The following MEF2A variants were observed in gnomAD, a reference collection of about 807,000 sequenced individuals.
MEF2A encodes myocyte enhancer factor 2A.
In MEF2A, 28 loss-of-function variants were observed where a neutral mutation model predicts 55.8. The ratio of observed to expected loss-of-function variants is 0.50; its 90% confidence interval spans 0.37 to 0.69. The LOEUF (loss-of-function observed/expected upper bound fraction) is 0.69, where lower values mean the gene tolerates loss of function less well. MEF2A is among the 30% of genes least tolerant of loss of function. The pLI is 0.00. For missense variants in MEF2A, 528 were observed against 626.2 expected (o/e 0.84, Z 1.67); for synonymous variants, 239 against 227.1 (o/e 1.05, Z -0.47).
chr15:99,648,871 G>C (rs1469822582), intron 4 of MEF2A, among the ~76,000 whole-genome samples: 1 of 152,178 alleles, frequency 6.6e-6, no homozygotes, highest in Non-Finnish European at 1.5e-5. Context: ...TAGGTCTGCG[G>C]AGTTAGATAT....
chr15:99,586,367 A>G (rs1194367051), intron 1 of MEF2A, among the ~76,000 whole-genome samples: 1 of 152,092 alleles, frequency 6.6e-6, no homozygotes, highest in Non-Finnish European at 1.5e-5. Flanking sequence ...TTAAGTTGAG[A>G]CATTTTAGTG....
At chr15:99,663,823 T>C (rs2049094648) in intron 4 of MEF2A, among the ~76,000 whole-genome samples, 1 of 152,218 alleles carries the variant, frequency 6.6e-6, no homozygotes, top group Admixed American at 6.5e-5. Flanking sequence ...CTTTTTTCTT[T>C]CTTTTTTCAC....
intron 4 of MEF2A, among the ~76,000 whole-genome samples, chr15:99,650,044 T>C (rs1193042531): frequency 6.6e-6 from 1 of 152,196 alleles, no homozygotes; most frequent in African/African-American, 2.4e-5. Context: ...TGGCCGTTTG[T>C]CTCTCTTGTT....
chr15:99,648,569 T>A (rs1009677784), intron 4 of MEF2A, among the ~76,000 whole-genome samples: 4 of 152,074 alleles, frequency 2.6e-5, no homozygotes, highest in African/African-American at 7.2e-5. Context: ...TTTGTGTCAT[T>A]ATGTAAGCAA....
intron 1 of MEF2A, among the ~76,000 whole-genome samples, chr15:99,572,030 T>C (rs866157473): frequency 1.7e-4 from 26 of 151,766 alleles, no homozygotes; most frequent in East Asian, 3.8e-4. Context: ...TTTTTTTTTT[T>C]TTCTTCACAC....
At chr15:99,575,358 T>G (rs1056733164) in intron 1 of MEF2A, among the ~76,000 whole-genome samples, 1 of 152,322 alleles carries the variant, frequency 6.6e-6, no homozygotes, top group South Asian at 2.1e-4. Flanking sequence ...TTTTAATTTT[T>G]GGGTTTTGTA....
intron 2 of MEF2A, among the ~76,000 whole-genome samples, chr15:99,618,472 A>C (rs566296675): frequency 1.3e-5 from 2 of 152,282 alleles, no homozygotes; most frequent in South Asian, 4.1e-4. Context: ...CAAAATTGCA[A>C]TTATGGCCTG....
intron 1 of MEF2A, among the ~76,000 whole-genome samples, chr15:99,575,657 A>G (rs891621908): frequency 3.3e-5 from 5 of 152,086 alleles, no homozygotes; most frequent in Non-Finnish European, 7.4e-5. Flanking sequence ...GAGACTGAAA[A>G]TTTCCTCCTC....
chr15:99,712,318 T>A lies in MEF2A; in HGVS notation c.1137-72T>A. ...CTGGGCCCTTTTCCATCAGGCAGTG[T>A]CTCTACTGTATCATCCCAGTTTTGC... On this transcript the variant is annotated intron_variant, in intron 11 of 11. Coordinates refer to ENST00000557942, the MANE Select transcript of MEF2A (RefSeq NM_001319206.4). The surrounding 1 kb of genome is among the most constrained non-coding windows in gnomAD (Gnocchi z 4.1). 6.9e-7 allele frequency: 1 copy of A among 1,455,536 alleles called. No homozygotes were observed. The allele number at this position is 1,455,536 out of a possible 1,614,324, so 90.2% of individuals were successfully genotyped here. A position where few individuals can be genotyped will look rare whatever the true frequency, so the allele number is the denominator to read the frequency against.
intron 1 of MEF2A, among the ~76,000 whole-genome samples, chr15:99,585,014 C>T (rs1302064934): frequency 6.6e-6 from 1 of 152,050 alleles, no homozygotes; most frequent in Non-Finnish European, 1.5e-5. Flanking sequence ...CACATTGTCA[C>T]ACAAATGCTA....
At chr15:99,688,340 G>T (rs1230803980) in intron 7 of MEF2A, among the ~76,000 whole-genome samples, 1 of 152,224 alleles carries the variant, frequency 6.6e-6, no homozygotes, top group Non-Finnish European at 1.5e-5. Flanking sequence ...GTAACCGAAA[G>T]ATCCAGAAGT....
At chr15:99,565,485 C>CGGCGGCTGAGCGGCGGAGCGGG (rs1959163567), upstream of MEF2A, 1 of 148,224 alleles carries the variant, frequency 6.7e-6, no homozygotes, top group East Asian at 2.1e-4. Context: ...AGGGAGGTGG[C>CGGCGGCTGAGCGGCGGAGCGGG]GGCGGCTGAG....
intron 4 of MEF2A, 185 bp downstream of exon 4, chr15:99,645,949 A>T (rs565134135): frequency 1.1e-5 from 5 of 457,054 alleles, no homozygotes; most frequent in Non-Finnish European, 1.9e-5. Flanking sequence ...AACATACTCT[A>T]TTCATTCAGA....
rs116255789 is a variant in MEF2A, at chr15:99,711,959, C to T, written c.1137-431C>T. The stretch of plus-strand genomic sequence containing the variant: ...CATCTGGAAAATGGGGATGGTGCGA[C>T]TTGCACCTTAGAGGTGTTGCGAGGA... On this transcript the variant is annotated intron_variant, in intron 11 of 11. Transcript: ENST00000557942. Among the ~76,000 whole-genome samples the T allele has an allele frequency of 5.6e-3, 848 of 152,344 alleles. 7 individuals are homozygous for T. The highest frequency in any genetic ancestry group is 0.018 in the African/African-American group (756 of 41,592).
intron 8 of MEF2A, among the ~76,000 whole-genome samples, chr15:99,699,766 A>G (rs918759660): frequency 1.3e-5 from 2 of 152,192 alleles, no homozygotes; most frequent in African/African-American, 4.8e-5. Flanking sequence ...TCACATACAC[A>G]AACACAAAGG....
intron 5 of MEF2A, among the ~76,000 whole-genome samples, chr15:99,672,447 C>T (rs752283815): frequency 2.4e-4 from 37 of 152,312 alleles, no homozygotes; most frequent in Admixed American, 5.2e-4. Flanking sequence ...ACTGGAAGCT[C>T]CATTGGCAAG....
chr15:99,572,149 G>T (rs1962605756), intron 1 of MEF2A, among the ~76,000 whole-genome samples: 1 of 151,812 alleles, frequency 6.6e-6, no homozygotes. Flanking sequence ...CCATTCTGTG[G>T]CCTAAATGGC....
rs573539472 is a variant in MEF2A at position 99,617,945 on chromosome 15, A to T, written c.-142-15033A>T. Reference sequence around the variant, plus strand: ...ATGAATTGTTGTCTAGATACCTAACAGTGTTTATTTGTAAATTACATGTAA... The same window carrying T: ...ATGAATTGTTGTCTAGATACCTAACTGTGTTTATTTGTAAATTACATGTAA... On this transcript the variant is annotated intron_variant, in intron 2 of 11. Transcript: ENST00000557942. 3.3e-5 allele frequency among the ~76,000 whole-genome samples: 5 copies of T among 152,308 alleles called. No individual in the cohort carries two copies. In the East Asian group the frequency reaches 9.6e-4, roughly 29 times the overall value.
At chr15:99,661,319 T>C (rs759437255) in intron 4 of MEF2A, among the ~76,000 whole-genome samples, 6 of 151,762 alleles carry the variant, frequency 4.0e-5, no homozygotes, top group Admixed American at 6.6e-5. Context: ...GGATTTCTTA[T>C]ATAAGGCATA....
Sources: allele counts gnomAD v4.1 joint callset (sites outside exome capture counted in the v4.1 genomes callset), GRCh38; gene constraint gnomAD v4.1.1; non-coding constraint Gnocchi (gnomAD v3.1); transcripts MANE v1.5; gene names NCBI Gene and HGNC (gene_info 2026-07-23, HGNC 2026-07-21).